Variants in SLC24A3 observed in about 807,000 individuals in gnomAD.
SLC24A3 encodes the protein solute carrier family 24 member 3.
Under a neutral mutation model 75.8 loss-of-function variants are expected in SLC24A3, and 28 were observed. The observed-to-expected ratio is 0.37, with a 90% CI of 0.27 to 0.51. SLC24A3 has a LOEUF of 0.51. Ranked by LOEUF, SLC24A3 falls within the 20% of genes least tolerant of loss-of-function variation. The pLI is 0.94. For synonymous variants in SLC24A3, 372 were observed against 334.1 expected (o/e 1.11, Z -1.24); for missense variants, 663 against 847.8 (o/e 0.78, Z 2.71).
chr20:19,462,322 C>T (rs550567885), intron 2 of SLC24A3, among the ~76,000 whole-genome samples: 4 of 151,786 alleles, frequency 2.6e-5, no homozygotes, highest in Non-Finnish European at 4.4e-5. Context: ...TGCAGTGGCA[C>T]GATCTCGGCT....
At chr20:19,243,924 C>T (rs896434966) in intron 1 of SLC24A3, 3 of 152,128 alleles carry the variant, frequency 2.0e-5, no homozygotes, top group Non-Finnish European at 2.9e-5. Flanking sequence ...AGCATGATTC[C>T]AGTATTCCCC....
intron 2 of SLC24A3, among the ~76,000 whole-genome samples, chr20:19,403,876 C>A (rs947616072): frequency 1.3e-5 from 2 of 152,160 alleles, no homozygotes; most frequent in Non-Finnish European, 2.9e-5. Context: ...GTTTTCTCGA[C>A]CATTTATGAT....
chr20:19,370,110 T>C (rs1177956456), intron 2 of SLC24A3, among the ~76,000 whole-genome samples: 1 of 149,248 alleles, frequency 6.7e-6, no homozygotes, highest in Non-Finnish European at 1.5e-5. Context: ...CAAATTAAAT[T>C]CTTAAAAAAA....
intron 6 of SLC24A3, among the ~76,000 whole-genome samples, chr20:19,609,025 A>G (rs2031635598): frequency 6.6e-6 from 1 of 152,228 alleles, no homozygotes; most frequent in Admixed American, 6.5e-5. Flanking sequence ...CAAAGGCATT[A>G]ATGAAGGAGG....
intron 2 of SLC24A3, among the ~76,000 whole-genome samples, chr20:19,383,749 G>A (rs1986223805): frequency 6.6e-6 from 1 of 152,178 alleles, no homozygotes; most frequent in East Asian, 1.9e-4. Context: ...TGGAGATTCA[G>A]TTCCCCATGA....
At chr20:19,443,524 A>T (rs920733709) in intron 2 of SLC24A3, among the ~76,000 whole-genome samples, 61 of 152,310 alleles carry the variant, frequency 4.0e-4, no homozygotes, top group Admixed American at 1.2e-3. Flanking sequence ...TTAACCTTGT[A>T]TCCTACAACC....
chr20:19,269,510 G>T (rs970278138), intron 1 of SLC24A3, among the ~76,000 whole-genome samples: 2 of 152,224 alleles, frequency 1.3e-5, no homozygotes, highest in Non-Finnish European at 2.9e-5. Context: ...CAATTTCTAG[G>T]CCAGAGGCCC....
intron 2 of SLC24A3, among the ~76,000 whole-genome samples, chr20:19,416,948 TA>T (rs562422350): frequency 4.3e-4 from 65 of 152,298 alleles, no homozygotes; most frequent in Non-Finnish European, 8.8e-5. Context: ...GCAGTTAACC[TA>T]AAACCAAAAG....
At chr20:19,710,720 C>T (rs2032978229) in intron 15 of SLC24A3, among the ~76,000 whole-genome samples, 1 of 152,160 alleles carries the variant, frequency 6.6e-6, no homozygotes, top group African/African-American at 2.4e-5. Context: ...TTTGGCTTAG[C>T]ATGCCTCAAG....
At chr20:19,673,426 G>C (rs1035820386) in intron 8 of SLC24A3, among the ~76,000 whole-genome samples, 175 bp from the exon 9 acceptor site, 2 of 152,216 alleles carry the variant, frequency 1.3e-5, no homozygotes, top group Non-Finnish European at 2.9e-5. Flanking sequence ...AAAGATGGTT[G>C]ACAGCCTTAT....
intron 3 of SLC24A3, among the ~76,000 whole-genome samples, chr20:19,569,693 C>T (rs920440817): frequency 5.3e-5 from 8 of 151,948 alleles, no homozygotes; most frequent in Admixed American, 1.3e-4. Context: ...CCTGGCTCTC[C>T]AGGGTCTGGC....
chr20:19,377,393 G>A (rs1986102668), intron 2 of SLC24A3, among the ~76,000 whole-genome samples: 1 of 152,188 alleles, frequency 6.6e-6, no homozygotes, highest in Non-Finnish European at 1.5e-5. Flanking sequence ...TAGCATAATA[G>A]CAGCATGACT....
At chr20:19,515,670 TC>T in intron 3 of SLC24A3, 106 bp downstream of exon 3, 1 of 1,108,000 alleles carries the variant, frequency 9.0e-7, no homozygotes, top group Non-Finnish European at 1.3e-6. Context: ...GCCCTCCTGT[TC>T]CCACGCTGCC....
chr20:19,581,781 G>T (rs566070699), intron 4 of SLC24A3, among the ~76,000 whole-genome samples: 12 of 152,282 alleles, frequency 7.9e-5, no homozygotes, highest in African/African-American at 2.9e-4. Context: ...GCCCAAGTCA[G>T]CCTGATTTCC....
chr20:19,452,242 A>G (rs1028796640), intron 2 of SLC24A3, among the ~76,000 whole-genome samples: 2 of 152,150 alleles, frequency 1.3e-5, no homozygotes, highest in African/African-American at 4.8e-5. Context: ...CAAGGGGGAG[A>G]GGTTAGGTTC....
intron 3 of SLC24A3, among the ~76,000 whole-genome samples, chr20:19,527,359 A>T (rs1322983624): frequency 6.6e-6 from 1 of 152,166 alleles, no homozygotes; most frequent in African/African-American, 2.4e-5. Context: ...TTGAATGTGT[A>T]GTGTGACGGT....
intron 3 of SLC24A3, among the ~76,000 whole-genome samples, chr20:19,536,593 G>A (rs1462701059): frequency 6.6e-6 from 1 of 152,186 alleles, no homozygotes; most frequent in Non-Finnish European, 1.5e-5. Context: ...AAAGAACAAA[G>A]CTGGAGGCAT....
chr20:19,281,780 C>T (rs1983670821), intron 2 of SLC24A3, among the ~76,000 whole-genome samples: 1 of 152,132 alleles, frequency 6.6e-6, no homozygotes, highest in African/African-American at 2.4e-5. Context: ...AAGGGCCAGA[C>T]AGTAAATACT....
At chr20:19,459,147 T>A (rs1419570805) in intron 2 of SLC24A3, among the ~76,000 whole-genome samples, 1 of 152,220 alleles carries the variant, frequency 6.6e-6, no homozygotes, top group East Asian at 1.9e-4. Flanking sequence ...CTTGGTTGAC[T>A]TGAATTGGTT....
Sources: allele counts gnomAD v4.1 joint callset (sites outside exome capture counted in the v4.1 genomes callset), GRCh38; gene constraint gnomAD v4.1.1; transcripts MANE v1.5; gene names NCBI Gene and HGNC (gene_info 2026-07-23, HGNC 2026-07-21).